EDARADD: variants seen among roughly 807,000 people sequenced by gnomAD.
The protein encoded by EDARADD is EDAR associated via death domain.
A neutral mutation model predicts 25.6 loss-of-function variants in EDARADD; 20 were observed. The ratio of observed to expected loss-of-function variants is 0.78; its 90% CI spans 0.55 to 1.14. The LOEUF is 1.14. Among genes scored for constraint, EDARADD ranks in the 50% most tolerant of loss-of-function variants. The probability of loss-of-function intolerance (pLI) is 0.00; values close to 1 mark genes in which losing one functional copy is unlikely to be tolerated. For synonymous variants in EDARADD, 86 were observed against 94.4 expected (o/e 0.91, Z 0.52); for missense variants, 225 against 270.1 (o/e 0.83, Z 1.17).
intron 4 of EDARADD, among the ~76,000 whole-genome samples, chr1:236,455,893 C>T (rs962777088): frequency 6.6e-6 from 1 of 152,148 alleles, no homozygotes; most frequent in African/African-American, 2.4e-5. Context: ...GGGTTCACGC[C>T]ATTCTCCTGC....
chr1:236,423,668 T>C (rs147780073), intron 3 of EDARADD, among the ~76,000 whole-genome samples: 23 of 152,300 alleles, frequency 1.5e-4, no homozygotes, highest in African/African-American at 5.5e-4. Flanking sequence ...GAGAGACTAT[T>C]GAGATAGTCA....
chr1:236,463,419 G>A (rs780694409), intron 4 of EDARADD, among the ~76,000 whole-genome samples: 7 of 152,030 alleles, frequency 4.6e-5, no homozygotes, highest in African/African-American at 1.2e-4. Context: ...TCAGCCTTCC[G>A]AGTAGCTGGG....
At chr1:236,462,982 T>A (rs1394290762) in intron 4 of EDARADD, among the ~76,000 whole-genome samples, 1 of 152,216 alleles carries the variant, frequency 6.6e-6, no homozygotes, top group Non-Finnish European at 1.5e-5. Flanking sequence ...TAAGAAAAAT[T>A]AACATCAAGT....
chr1:236,399,467 A>G (rs958651838), intron 1 of EDARADD, among the ~76,000 whole-genome samples: 11 of 152,204 alleles, frequency 7.2e-5, no homozygotes, highest in Admixed American at 5.2e-4. Context: ...GATTACAGGC[A>G]TGAGCCACCA....
chr1:236,429,679 C>G (rs1313097110), intron 4 of EDARADD, among the ~76,000 whole-genome samples: 1 of 152,048 alleles, frequency 6.6e-6, no homozygotes, highest in South Asian at 2.1e-4. Flanking sequence ...GCCACTGCAC[C>G]TGGCCAGAAT....
intron 3 of EDARADD, among the ~76,000 whole-genome samples, chr1:236,424,777 G>A (rs979356492): frequency 3.3e-5 from 5 of 152,190 alleles, no homozygotes; most frequent in Non-Finnish European, 4.4e-5. Context: ...AAGCTGCAGC[G>A]TGGTCCAGCC....
At chr1:236,436,800 G>A (rs1369024537) in intron 4 of EDARADD, among the ~76,000 whole-genome samples, 1 of 152,184 alleles carries the variant, frequency 6.6e-6, no homozygotes, top group Non-Finnish European at 1.5e-5. Flanking sequence ...GGGACAGTTG[G>A]TTGGGACAGG....
intron 2 of EDARADD, among the ~76,000 whole-genome samples, chr1:236,412,872 T>G (rs979169641): frequency 6.6e-6 from 1 of 152,180 alleles, no homozygotes; most frequent in African/African-American, 2.4e-5. Flanking sequence ...TTATTTTTAT[T>G]TATTTATTTA....
chr1:236,405,693 C>T (rs73123236), intron 1 of EDARADD, among the ~76,000 whole-genome samples: 7 of 151,866 alleles, frequency 4.6e-5, no homozygotes, highest in Non-Finnish European at 1.0e-4. Flanking sequence ...CCTTTCCCAG[C>T]GATCTACTGC....
At chr1:236,397,961 C>T (rs1258704363) in intron 1 of EDARADD, among the ~76,000 whole-genome samples, 2 of 152,142 alleles carry the variant, frequency 1.3e-5, no homozygotes, top group Non-Finnish European at 2.9e-5. Flanking sequence ...ATATCTTGAG[C>T]TCGCTTTACC....
At chr1:236,447,211 T>TCTTTCTTC (rs1558127428) in intron 4 of EDARADD, among the ~76,000 whole-genome samples, 2 of 45,962 alleles carry the variant, frequency 4.4e-5, no homozygotes, top group African/African-American at 1.4e-4. Context: ...TTTCTTTCTT[T>TCTTTCTTC]CTTTCTTTCT....
chr1:236,372,803 G>A (rs1443886508), intron 3 of EDARADD, among the ~76,000 whole-genome samples: 1 of 151,954 alleles, frequency 6.6e-6, no homozygotes, highest in African/African-American at 2.4e-5. Flanking sequence ...TTTATTTAAA[G>A]GAATTGGCTC....
In EDARADD at chr1:236,362,987, G is replaced by GAAAAA. The variant is rs577963160; in HGVS notation, c.-6+12164_-6+12168dup. Among the ~76,000 whole-genome samples, 15 of 29,552 alleles carry GAAAAA rather than the reference G, an allele frequency of 5.1e-4. 2 individuals are homozygous for GAAAAA. The highest frequency in any genetic ancestry group is 2.5e-3 in the South Asian group (1 of 406). 19.4% of individuals were successfully genotyped at this position (29,552 alleles called of 152,430 possible). On this transcript the variant is annotated intron_variant, in intron 3 of 7. Coordinates refer to the EDARADD transcript ENST00000439430. The stretch of plus-strand genomic sequence containing the variant: ...TCAAGACTCTGTCTTCTTTTTTTAA[G>GAAAAA]AAAAAAAAAAAAAAAAAAAATATAT...
At chr1:236,448,690 C>T (rs147261608) in intron 4 of EDARADD, among the ~76,000 whole-genome samples, 13 of 152,112 alleles carry the variant, frequency 8.5e-5, no homozygotes, top group South Asian at 2.1e-4. Context: ...TGACCTGCCC[C>T]GCCCTGCTAT....
At chr1:236,425,496 C>T (rs1657891902) in intron 3 of EDARADD, among the ~76,000 whole-genome samples, 1 of 152,138 alleles carries the variant, frequency 6.6e-6, no homozygotes, top group Admixed American at 6.5e-5. Flanking sequence ...AGGACCGCCC[C>T]CGTGGCTGAC....
At chr1:236,440,637 C>T (rs1186820406) in intron 4 of EDARADD, among the ~76,000 whole-genome samples, 12 of 151,812 alleles carry the variant, frequency 7.9e-5, no homozygotes, top group Non-Finnish European at 1.8e-4. Context: ...CTCTTGCTGC[C>T]ATTTTTCTAA....
chr1:236,476,480 G>A (rs1318240255), intron 5 of EDARADD, among the ~76,000 whole-genome samples: 1 of 151,834 alleles, frequency 6.6e-6, no homozygotes, highest in Non-Finnish European at 1.5e-5. Context: ...CAGCCCAGGA[G>A]TTCAAGAGCA....
chr1:236,442,131 T>G (rs1453360959), intron 4 of EDARADD, among the ~76,000 whole-genome samples: 2 of 132,360 alleles, frequency 1.5e-5, no homozygotes, highest in Non-Finnish European at 3.1e-5. Flanking sequence ...CTTTCTTTCT[T>G]TTTTTTTTTT....
At chr1:236,393,391 C>CTTTCTT (rs1553264552), upstream of EDARADD, among the ~76,000 whole-genome samples, 7 of 87,202 alleles carry the variant, frequency 8.0e-5, no homozygotes, top group African/African-American at 3.1e-4. Context: ...TTCTTTCTTT[C>CTTTCTT]TTTTTTTTTT....
Sources: gnomAD v4.1 joint callset for allele counts (sites outside exome capture counted in the v4.1 genomes callset) on GRCh38, gnomAD v4.1.1 for gene constraint, MANE v1.5 for transcripts, NCBI Gene and HGNC (gene_info 2026-07-23, HGNC 2026-07-21) for gene names.